TENM2: variants seen among roughly 807,000 people sequenced by gnomAD.
TENM2 encodes teneurin transmembrane protein 2.
Under a neutral mutation model 245.2 loss-of-function variants are expected in TENM2, and 52 were observed. The observed-to-expected ratio is 0.21, with a 90% confidence interval of 0.17 to 0.27. TENM2 has a LOEUF of 0.27. Ranked by LOEUF, TENM2 falls within the 10% of genes least tolerant of loss-of-function variation. The probability of loss-of-function intolerance (pLI) is 1.00; values close to 1 mark genes in which losing one functional copy is unlikely to be tolerated. For missense variants in TENM2, 3,046 were observed against 3,666.8 expected (o/e 0.83, Z 4.37); for synonymous variants, 1,363 against 1,438.9 (o/e 0.95, Z 1.19).
chr5:167,199,425 A>T, the TENM2 span, among the ~76,000 whole-genome samples: 1 of 152,108 alleles, frequency 6.6e-6, no homozygotes, highest in Admixed American at 6.6e-5. Context: ...CATCGTTTGC[A>T]TTACCAGGAT....
intron 2 of TENM2, among the ~76,000 whole-genome samples, chr5:167,724,840 G>A (rs905196393): frequency 1.2e-4 from 19 of 152,134 alleles, no homozygotes; most frequent in South Asian, 4.1e-4. Context: ...TGTCGAGCCC[G>A]CAGTCGTAGT....
At chr5:167,765,789 C>T (rs1762978185) in intron 2 of TENM2, among the ~76,000 whole-genome samples, 1 of 152,186 alleles carries the variant, frequency 6.6e-6, no homozygotes, top group African/African-American at 2.4e-5. Context: ...ATGCACCGGA[C>T]ACATTCTTTC....
intron 2 of TENM2, among the ~76,000 whole-genome samples, chr5:167,458,499 A>AC (rs1242038408): frequency 6.4e-5 from 9 of 141,292 alleles, no homozygotes; most frequent in Admixed American, 3.3e-4. Flanking sequence ...AAAAACAAAA[A>AC]AAAAAAAAAA....
At chr5:167,944,297 T>C (rs961392799) in intron 3 of TENM2, among the ~76,000 whole-genome samples, 1 of 152,206 alleles carries the variant, frequency 6.6e-6, no homozygotes, top group African/African-American at 2.4e-5. Flanking sequence ...TGTGCCTGGC[T>C]AGGTGATTAC....
At chr5:167,295,381 A>G (rs1754891035) in intron 1 of TENM2, among the ~76,000 whole-genome samples, 1 of 152,238 alleles carries the variant, frequency 6.6e-6, no homozygotes, top group South Asian at 2.1e-4. Context: ...GGCTGGTGCC[A>G]CATGTTGCAG....
At chr5:167,748,558 TTG>T (rs1761741768) in intron 2 of TENM2, among the ~76,000 whole-genome samples, 1 of 151,566 alleles carries the variant, frequency 6.6e-6, no homozygotes, top group Non-Finnish European at 1.5e-5. Flanking sequence ...CTGGCTCTTT[TTG>T]TGTGTGTTTA....
At chr5:167,935,608 C>T (rs1027006267) in intron 3 of TENM2, among the ~76,000 whole-genome samples, 14 of 151,748 alleles carry the variant, frequency 9.2e-5, no homozygotes, top group Admixed American at 9.2e-4. Flanking sequence ...AGCATCTGTA[C>T]ATGGTTCCTG....
chr5:167,736,959 A>C (rs1760844691), intron 2 of TENM2, among the ~76,000 whole-genome samples: 2 of 152,186 alleles, frequency 1.3e-5, no homozygotes, highest in Admixed American at 1.3e-4. Context: ...GCTGCAGAAA[A>C]GCACAAGTCT....
At chr5:167,532,177 T>A (rs1180400556) in intron 2 of TENM2, among the ~76,000 whole-genome samples, 1 of 152,144 alleles carries the variant, frequency 6.6e-6, no homozygotes, top group African/African-American at 2.4e-5. Context: ...CTTAGGATCA[T>A]GAAAGTTGTT....
At chr5:167,606,518 GA>G (rs1777059397) in intron 2 of TENM2, among the ~76,000 whole-genome samples, 1 of 152,112 alleles carries the variant, frequency 6.6e-6, no homozygotes, top group African/African-American at 2.4e-5. Context: ...GATCACCTCA[GA>G]AAACCACACC....
intron 2 of TENM2, among the ~76,000 whole-genome samples, chr5:167,491,812 C>T (rs1768442809): frequency 1.3e-5 from 2 of 152,242 alleles, no homozygotes; most frequent in South Asian, 2.1e-4. Flanking sequence ...CCACATACAA[C>T]CAACTACGTG....
chr5:167,069,511 A>C, the TENM2 span, among the ~76,000 whole-genome samples: 3 of 152,234 alleles, frequency 2.0e-5, no homozygotes, highest in Non-Finnish European at 4.4e-5. Context: ...AGTCAAAATA[A>C]TTTGATTGAA....
In TENM2 at chr5:167,896,897, G is replaced by A. The variant is rs553844738; in HGVS notation, c.712+20702G>A. On this transcript the variant is annotated intron_variant, in intron 3 of 28. Transcript: ENST00000518659. ...TTAGAATCACGCTTGCTTTTTCCTC[G>A]TTGCTAAAACGTCCAGAAAATAGCT... 1.6e-4 allele frequency among the ~76,000 whole-genome samples: 25 copies of A among 152,272 alleles called. No individual in the cohort carries two copies. In the South Asian group the frequency reaches 2.7e-3, roughly 16 times the overall value.
intron 12 of TENM2, 53 bp from the exon 15 acceptor site, chr5:168,162,557 TC>T (rs1234441818): frequency 2.3e-5 from 37 of 1,589,666 alleles, no homozygotes; most frequent in Non-Finnish European, 3.1e-5. Flanking sequence ...CTCCCCTGCT[TC>T]CCCAGCGCGG....
At chr5:167,603,620 G>T (rs1222833971) in intron 2 of TENM2, among the ~76,000 whole-genome samples, 1 of 152,202 alleles carries the variant, frequency 6.6e-6, no homozygotes, top group African/African-American at 2.4e-5. Context: ...GTTCCAGGCT[G>T]CAGTGAGTTG....
intron 9 of TENM2, among the ~76,000 whole-genome samples, chr5:168,107,991 C>T (rs1337297472): frequency 6.6e-6 from 1 of 152,228 alleles, no homozygotes; most frequent in Non-Finnish European, 1.5e-5. Flanking sequence ...TTGTACCTCC[C>T]TGTATTTAGT....
chr5:167,521,847 A>T (rs2127582427), intron 2 of TENM2, among the ~76,000 whole-genome samples: 1 of 152,270 alleles, frequency 6.6e-6, no homozygotes, highest in African/African-American at 2.4e-5. Context: ...TTACTGTACA[A>T]AAATTACCTT....
intron 1 of TENM2, among the ~76,000 whole-genome samples, chr5:167,358,053 C>G (rs1405060315): frequency 6.6e-6 from 1 of 152,224 alleles, no homozygotes; most frequent in Non-Finnish European, 1.5e-5. Flanking sequence ...ACCTGCCTGT[C>G]TCCTAAATGA....
chr5:168,178,980 C>T (rs1420503791), intron 13 of TENM2, among the ~76,000 whole-genome samples: 1 of 151,968 alleles, frequency 6.6e-6, no homozygotes, highest in South Asian at 2.1e-4. Flanking sequence ...ACTAAAAATA[C>T]AAAAGTTAGC....
Sources: gnomAD v4.1 joint callset for allele counts (sites outside exome capture counted in the v4.1 genomes callset) on GRCh38, gnomAD v4.1.1 for gene constraint, MANE v1.5 for transcripts, NCBI Gene and HGNC (gene_info 2026-07-23, HGNC 2026-07-21) for gene names.